Variants in EFCAB8 observed in about 807,000 individuals in gnomAD.
EFCAB8 encodes EF-hand calcium-binding domain-containing protein 8.
In EFCAB8, 100 loss-of-function variants were observed where a neutral mutation model predicts 116.3. The ratio of observed to expected loss-of-function variants is 0.86; its 90% confidence interval spans 0.73 to 1.02. The LOEUF (loss-of-function observed/expected upper bound fraction) is 1.02. Ranked by LOEUF, EFCAB8 falls within the 50% of genes least tolerant of loss-of-function variation. The pLI, the probability that EFCAB8 is intolerant of heterozygous loss-of-function variation, is 0.00. For missense variants in EFCAB8, 1,320 were observed against 1,416.9 expected (o/e 0.93, Z 1.10); for synonymous variants, 558 against 567.9 (o/e 0.98, Z 0.25).
intron 11 of EFCAB8, among the ~76,000 whole-genome samples, chr20:32,901,288 A>G (rs1363417815): frequency 6.6e-6 from 1 of 152,256 alleles, no homozygotes; most frequent in Non-Finnish European, 1.5e-5. Context: ...CTTGAGTCAC[A>G]CATAAAATAC....
intron 22 of EFCAB8, among the ~76,000 whole-genome samples, chr20:32,939,163 CTTT>C (rs1568941599): frequency 3.4e-5 from 3 of 88,140 alleles, no homozygotes; most frequent in Non-Finnish European, 7.2e-5. Flanking sequence ...TTCTTTCTTT[CTTT>C]CTTTCTTTCT....
chr20:32,920,286 G>GGGGCTCGGGGGCCT, intron 20 of EFCAB8, 71 bp downstream of exon 20: 1 of 1,515,720 alleles, frequency 6.6e-7, no homozygotes, highest in Non-Finnish European at 8.9e-7. Flanking sequence ...TGGTCAGGAT[G>GGGGCTCGGGGGCCT]GGGCTCGGGG....
rs1030111359 is a variant in EFCAB8 at position 32,905,529 on chromosome 20, A to G, written c.1089-1033A>G. 1.1e-4 allele frequency among the ~76,000 whole-genome samples: 16 copies of G among 152,098 alleles called. No homozygotes were observed. The South Asian group carries it at 1.2e-3, about 12-fold the overall frequency. ...TGTAATCCCAGCACTTTGGGAGGCC[A>G]TGGGTGGCTCACCTGAGGTCAGGAG... On this transcript the variant is annotated intron_variant, in intron 11 of 26. Coordinates refer to ENST00000400522, the MANE Select transcript of EFCAB8 (RefSeq NM_001143967.2).
chr20:32,884,329 G>C (rs1306839775), intron 5 of EFCAB8, among the ~76,000 whole-genome samples: 1 of 152,184 alleles, frequency 6.6e-6, no homozygotes, highest in Admixed American at 6.5e-5. Context: ...TCATGCAGGT[G>C]AGGAAACCAA....
rs375865552 is a variant in EFCAB8, at chr20:32,959,816, G to T, written c.3128G>T (p.Arg1043Leu). Residue 1043 changes from arginine to leucine, a missense_variant, in exon 25 of 27, where the codon CGG (arginine) becomes CTG (leucine). Coordinates refer to ENST00000400522, the MANE Select transcript of EFCAB8 (RefSeq NM_001143967.2). ...CTGGCTGAGGCCCTGATATACCAGCGGCGAGAGCAGGCGGCGCTGATGGCT... is the reference window on the plus strand; with the variant it reads ...CTGGCTGAGGCCCTGATATACCAGCTGCGAGAGCAGGCGGCGCTGATGGCT... ...RDLAEALIYQ[R>L]REQAALMALL... The T allele has an allele frequency of 1.3e-6, 2 of 1,529,256 alleles. No homozygotes were observed. 94.7% of individuals were successfully genotyped at this position (1,529,256 alleles called of 1,614,324 possible).
chr20:32,897,358 C>T (rs1986210924), intron 10 of EFCAB8, among the ~76,000 whole-genome samples: 1 of 152,098 alleles, frequency 6.6e-6, no homozygotes, highest in Non-Finnish European at 1.5e-5. Flanking sequence ...GCTTGGTGGG[C>T]TCCCAATACA....
chr20:32,919,276 T>C (rs1197891683), intron 19 of EFCAB8, among the ~76,000 whole-genome samples: 5 of 152,080 alleles, frequency 3.3e-5, no homozygotes. Flanking sequence ...AGCTGAGGCT[T>C]GAGTGAGAAA....
At chr20:32,929,446 C>A (rs867707040) in intron 20 of EFCAB8, among the ~76,000 whole-genome samples, 25 of 149,248 alleles carry the variant, frequency 1.7e-4, no homozygotes, top group African/African-American at 5.4e-4. Context: ...TCTTTCTTTT[C>A]TTTTTTCTCC....
intron 6 of EFCAB8, among the ~76,000 whole-genome samples, chr20:32,887,351 G>C (rs529637315): frequency 1.3e-5 from 2 of 152,198 alleles, no homozygotes; most frequent in African/African-American, 4.8e-5. Flanking sequence ...TGAGGCAGGC[G>C]GATCACTTGA....
At position 32,892,196 on chromosome 20, in the gene EFCAB8, T is replaced by G; in HGVS notation, c.674-17T>G. The G allele has an allele frequency of 2.6e-6, 4 of 1,550,896 alleles. No homozygotes were observed. The highest frequency in any genetic ancestry group is 3.5e-6 in the Non-Finnish European group (4 of 1,146,260). On this transcript the variant is annotated splice_polypyrimidine_tract_variant and intron_variant, in intron 7 of 26. Transcript: ENST00000400522. ...GCATGGCTGTGGGCTCTATGTGGCCTTCTGTCTTTCCCCCAGATTTCTTTG... is the reference window on the plus strand; with the variant it reads ...GCATGGCTGTGGGCTCTATGTGGCCGTCTGTCTTTCCCCCAGATTTCTTTG...
chr20:32,899,205 G>A lies in EFCAB8; in HGVS notation c.1088+582G>A, dbSNP rs564240737. On this transcript the variant is annotated intron_variant, in intron 11 of 26. Transcript: ENST00000400522. ...TCGAGACCATCCTGGCTAACATGGC[G>A]AAACCCCGTCTCTACTAAAAATACA... Among the ~76,000 whole-genome samples, 7 of 151,380 alleles carry A rather than the reference G, an allele frequency of 4.6e-5. No homozygotes were observed. The South Asian group carries it at 6.3e-4, about 14-fold the overall frequency.
intron 5 of EFCAB8, among the ~76,000 whole-genome samples, chr20:32,881,917 A>G (rs1276870208): frequency 6.6e-6 from 1 of 152,186 alleles, no homozygotes; most frequent in African/African-American, 2.4e-5. Context: ...TTGCTTAGAA[A>G]TTATCCCTGC....
In EFCAB8 at chr20:32,961,460, AC is replaced by A; in HGVS notation, c.3723del (p.Ser1242ArgfsTer15). ...RPQSASTAHS[T>X]PSVPSPVSKS... ...CCAGTCAGCCTCCACAGCCCATTCCACCCCCTCGGTCCCATCCCCGGTGTCC... is the reference window on the plus strand; with the variant it reads ...CCAGTCAGCCTCCACAGCCCATTCCACCCCTCGGTCCCATCCCCGGTGTCC... On this transcript the variant is annotated frameshift_variant, in exon 27 of 27. Transcript: ENST00000400522. LOFTEE classifies it low-confidence loss of function (END_TRUNC). 1 of 1,436,766 alleles carries A rather than the reference AC, an allele frequency of 7.0e-7. No homozygotes were observed. The highest frequency in any genetic ancestry group is 1.6e-5 in the South Asian group (1 of 64,410). The allele number at this position is 1,436,766 out of a possible 1,614,324, so 89.0% of individuals were successfully genotyped here. A position where few individuals can be genotyped will look rare whatever the true frequency, so the allele number is the denominator to read the frequency against.
At chr20:32,887,084 G>A (rs747383819) in intron 6 of EFCAB8, among the ~76,000 whole-genome samples, 4 of 152,166 alleles carry the variant, frequency 2.6e-5, no homozygotes, top group South Asian at 2.1e-4. Flanking sequence ...TGGGGAGCCC[G>A]AGAGCGCAGT....
At chr20:32,913,719 T>C (rs1987049629) in intron 17 of EFCAB8, among the ~76,000 whole-genome samples, 1 of 151,040 alleles carries the variant, frequency 6.6e-6, no homozygotes, top group Non-Finnish European at 1.5e-5. Flanking sequence ...TAACACGTTA[T>C]GTACTTCCAA....
intron 11 of EFCAB8, among the ~76,000 whole-genome samples, chr20:32,904,447 C>A (rs916288119): frequency 1.3e-5 from 2 of 149,090 alleles, no homozygotes; most frequent in African/African-American, 5.0e-5. Flanking sequence ...ACTGCAGGTG[C>A]ACCATCACGC....
chr20:32,927,602 C>T (rs1305574920), intron 20 of EFCAB8, among the ~76,000 whole-genome samples: 1 of 152,172 alleles, frequency 6.6e-6, no homozygotes, highest in Non-Finnish European at 1.5e-5. Flanking sequence ...GCCTTGGCTT[C>T]CCAAAATGCT....
rs1490497795 is a variant in EFCAB8 at position 32,900,103 on chromosome 20, C to G, written c.1088+1480C>G. On this transcript the variant is annotated intron_variant, in intron 11 of 26. Transcript: ENST00000400522. ...GGGGGAACAGCAGGAGATTTAAGGCCTGTATTGGGGAGAGACTGGGTGAGG... is the reference window on the plus strand; with the variant it reads ...GGGGGAACAGCAGGAGATTTAAGGCGTGTATTGGGGAGAGACTGGGTGAGG... 3.3e-5 allele frequency among the ~76,000 whole-genome samples: 5 copies of G among 152,018 alleles called. No individual in the cohort carries two copies. In the East Asian group the frequency reaches 9.6e-4, roughly 29 times the overall value.
At position 32,896,381 on chromosome 20, in the gene EFCAB8, G is replaced by A. The variant is rs1324193403; in HGVS notation, c.884-73G>A. On this transcript the variant is annotated intron_variant, in intron 9 of 26. Transcript: ENST00000400522. ...CAGGAGTTGCAAGCCAACTCAAGAC[G>A]TCTTCTGAGGCTTTGCTTGCCAAGC... The A allele has an allele frequency of 2.3e-5, 16 of 696,894 alleles. No individual in the cohort carries two copies. In the Middle Eastern group the frequency reaches 9.5e-4, roughly 41 times the overall value. 43.2% of individuals were successfully genotyped at this position (696,894 alleles called of 1,614,324 possible). A position where few individuals can be genotyped will look rare whatever the true frequency, so the allele number is the denominator to read the frequency against.
Sources: allele counts gnomAD v4.1 joint callset (sites outside exome capture counted in the v4.1 genomes callset), GRCh38; gene constraint gnomAD v4.1.1; transcripts MANE v1.5; gene names NCBI Gene and HGNC (gene_info 2026-07-23, HGNC 2026-07-21).